The following MAST2 variants were observed in gnomAD, a reference collection of about 807,000 sequenced individuals.
MAST2 encodes microtubule-associated serine/threonine-protein kinase 2.
MAST2 carries 70 observed loss-of-function variants against 147.4 expected under a neutral mutation model. That is an observed-to-expected ratio of 0.47 (90% confidence interval 0.39 to 0.58). MAST2 has a LOEUF of 0.58. Among genes scored for constraint, MAST2 ranks in the 20% least tolerant of loss-of-function variants. The pLI, the probability that MAST2 is intolerant of heterozygous loss-of-function variation, is 0.00. For missense variants in MAST2, 2,080 were observed against 2,302.3 expected, an observed-to-expected ratio of 0.90 and a Z score of 1.98; for synonymous variants, 869 against 896.8, an observed-to-expected ratio of 0.97 and a Z score of 0.55.
intron 4 of MAST2, among the ~76,000 whole-genome samples, chr1:45,905,773 C>T (rs1453655018): frequency 7.8e-6 from 1 of 128,768 alleles, no homozygotes; most frequent in East Asian, 2.3e-4. Flanking sequence ...AAGACTCTGT[C>T]TCAAAAAAAA....
At chr1:45,968,518 C>T (rs1249044175) in intron 5 of MAST2, among the ~76,000 whole-genome samples, 13 of 149,236 alleles carry the variant, frequency 8.7e-5, no homozygotes, top group African/African-American at 3.2e-4. Context: ...TTTAATATTT[C>T]ACTCCACTAT....
At chr1:45,833,252 A>G (rs1376744139) in intron 3 of MAST2, among the ~76,000 whole-genome samples, 1 of 152,024 alleles carries the variant, frequency 6.6e-6, no homozygotes, top group African/African-American at 2.4e-5. Context: ...CTGAGGGCTT[A>G]TTTTTCCCAT....
intron 9 of MAST2, 127 bp from the exon 10 acceptor site, chr1:46,010,603 A>C: frequency 2.8e-6 from 2 of 718,722 alleles, no homozygotes; most frequent in Non-Finnish European, 4.6e-6. Flanking sequence ...CAGGTTTCCC[A>C]AATGGCAGTT....
intron 5 of MAST2, among the ~76,000 whole-genome samples, chr1:45,974,544 C>G (rs1644056275): frequency 1.3e-5 from 2 of 152,110 alleles, no homozygotes; most frequent in South Asian, 4.2e-4. Context: ...CTGCAGTGAG[C>G]TGTGATTGCA....
At chr1:45,916,616 G>A (rs1048977209) in intron 4 of MAST2, among the ~76,000 whole-genome samples, 1 of 151,986 alleles carries the variant, frequency 6.6e-6, no homozygotes, top group African/African-American at 2.4e-5. Context: ...TAAACAAATT[G>A]GTATTATTGT....
At position 45,964,695 on chromosome 1, in the gene MAST2, G is replaced by C. The variant is rs527829423; in HGVS notation, c.592+5218G>C. On this transcript the variant is annotated intron_variant, in intron 5 of 28. Transcript: ENST00000361297. ...CCTGGATTCACTGATTTTTTTGAAG[G>C]GTTTTTTTGTGTCTCTATCTCCTTC... Among the ~76,000 whole-genome samples the C allele has an allele frequency of 2.0e-4, 30 of 151,978 alleles. No individual in the cohort carries two copies. In the East Asian group the frequency reaches 4.8e-3, roughly 24 times the overall value.
At chr1:45,939,385 T>C (rs1277322874) in intron 4 of MAST2, among the ~76,000 whole-genome samples, 1 of 152,260 alleles carries the variant, frequency 6.6e-6, no homozygotes, top group South Asian at 2.1e-4. Flanking sequence ...ATCCTTGTGC[T>C]AATTCCACAC....
At chr1:45,908,279 T>A (rs1213133387) in intron 4 of MAST2, among the ~76,000 whole-genome samples, 1 of 152,196 alleles carries the variant, frequency 6.6e-6, no homozygotes, top group African/African-American at 2.4e-5. Flanking sequence ...ACACATGCCA[T>A]GGTGGTTTGC....
At chr1:45,886,683 A>G (rs1429170704) in intron 4 of MAST2, among the ~76,000 whole-genome samples, 1 of 152,198 alleles carries the variant, frequency 6.6e-6, no homozygotes, top group Non-Finnish European at 1.5e-5. Context: ...AGTTACTTGT[A>G]TCTGTTTACC....
intron 3 of MAST2, among the ~76,000 whole-genome samples, chr1:45,850,764 T>A (rs979940643): frequency 6.6e-6 from 1 of 151,848 alleles, no homozygotes; most frequent in Non-Finnish European, 1.5e-5. Context: ...AGATTGTAGG[T>A]GTGTGGCTTT....
rs1195273781 is a variant in MAST2, at chr1:45,821,369, C to A, written c.178-3064C>A. Reference sequence around the variant, plus strand: ...TCTCTTGCTGCTTTGAATATTATTTCTTTGCCATTGGCTTTGACAGTTTGG... The same window carrying A: ...TCTCTTGCTGCTTTGAATATTATTTATTTGCCATTGGCTTTGACAGTTTGG... On this transcript the variant is annotated intron_variant, in intron 1 of 28. Coordinates refer to ENST00000361297, the MANE Select transcript of MAST2 (RefSeq NM_015112.3). 2.6e-5 allele frequency among the ~76,000 whole-genome samples: 4 copies of A among 152,180 alleles called. No individual in the cohort carries two copies. In the East Asian group the frequency reaches 7.7e-4, roughly 29 times the overall value.
In MAST2 at chr1:46,023,309, G is replaced by A; in HGVS notation, c.1562G>A (p.Gly521Asp). 8 of 1,614,112 alleles carry A rather than the reference G, an allele frequency of 5.0e-6. No individual in the cohort carries two copies. The highest frequency in any genetic ancestry group is 6.8e-6 in the Non-Finnish European group (8 of 1,180,010). ...DFETIKLISN[G>D]AYGAVFLVRH... is the part of the protein sequence containing the mutation. Reference sequence around the variant, plus strand: ...GAGACCATTAAGCTCATCAGCAATGGCGCCTATGGGTAAAGGCAGGGGTCA... The same window carrying A: ...GAGACCATTAAGCTCATCAGCAATGACGCCTATGGGTAAAGGCAGGGGTCA... The change falls in exon 14 of 29, where the codon GGC (glycine) becomes GAC (aspartate). Residue 521 changes from glycine to aspartate, a missense_variant. Transcript: ENST00000361297. This position sits in a 1 kb window ranked among gnomAD's most constrained non-coding sequence, Gnocchi z 4.9.
intron 1 of MAST2, 131 bp from the exon 2 acceptor site, chr1:45,824,302 C>T (rs1644725846): frequency 1.9e-6 from 1 of 523,696 alleles, no homozygotes; most frequent in Admixed American, 3.9e-5. Flanking sequence ...CTGGTTTTAG[C>T]TATGGAGGGG....
At position 45,959,391 on chromosome 1, in the gene MAST2, G is replaced by A. The variant is rs959178314; in HGVS notation, c.506G>A (p.Arg169Gln). The A allele has an allele frequency of 3.7e-6, 6 of 1,613,244 alleles. No homozygotes were observed. The highest frequency in any genetic ancestry group is 2.2e-5 in the East Asian group (1 of 44,874). Residue 169 changes from arginine (R) to glutamine (Q), a missense_variant, in exon 5 of 29, where the codon CGG becomes CAG. Physicochemically the swap from Arg to Gln is conservative, Grantham distance 43. This residue lies in a region of MAST2 where 569 missense variants were observed against 642.5 expected (regional missense o/e 0.89). Transcript: ENST00000361297. ...LSLPRRGSFC[R>Q]TSNRKSLIVT... Reference sequence around the variant, plus strand: ...ATATTTTGTTTTCATTGCAGTTGTCGGACAAGTAACCGCAAGAGCTTGATT... The same window carrying A: ...ATATTTTGTTTTCATTGCAGTTGTCAGACAAGTAACCGCAAGAGCTTGATT...
intron 1 of MAST2, among the ~76,000 whole-genome samples, chr1:45,804,371 A>G (rs775570704): frequency 6.6e-6 from 1 of 152,100 alleles, no homozygotes; most frequent in Non-Finnish European, 1.5e-5. Flanking sequence ...TGCAACGAGT[A>G]GGCTTACTAA....
chr1:46,030,314 TG>T lies in MAST2; in HGVS notation c.2553+80del, dbSNP rs1474313905. On this transcript the variant is annotated intron_variant, in intron 21 of 28. Transcript: ENST00000361297. ...AAGAGGGCCTGTCAAAGGGCACACC[TG>T]GGGCAGGCTCAGGGAGTTGGGGTTG... 5 of 1,430,422 alleles carry T rather than the reference TG, an allele frequency of 3.5e-6. No homozygotes were observed. In the African/African-American group the frequency reaches 5.6e-5, roughly 16 times the overall value. The allele number at this position is 1,430,422 out of a possible 1,614,324, so 88.6% of individuals were successfully genotyped here.
At chr1:45,858,125 C>A (rs958384846) in intron 3 of MAST2, among the ~76,000 whole-genome samples, 9 of 152,042 alleles carry the variant, frequency 5.9e-5, no homozygotes, top group Admixed American at 5.9e-4. Flanking sequence ...TGGGTATATA[C>A]CCAGTAATGG....
At chr1:45,931,469 G>T (rs1655297906) in intron 4 of MAST2, among the ~76,000 whole-genome samples, 1 of 138,720 alleles carries the variant, frequency 7.2e-6, no homozygotes, top group South Asian at 2.4e-4. Context: ...GGGCTCAAGT[G>T]ATCTTCCCAC....
At chr1:45,833,783 T>C (rs766396067) in intron 3 of MAST2, among the ~76,000 whole-genome samples, 1 of 152,146 alleles carries the variant, frequency 6.6e-6, no homozygotes, top group Non-Finnish European at 1.5e-5. Flanking sequence ...GTTTCTTTTA[T>C]TGTAAGTTTG....
Sources: gnomAD v4.1 joint callset for allele counts (sites outside exome capture counted in the v4.1 genomes callset) on GRCh38, gnomAD v4.1.1 for gene constraint, gnomAD v4.1.1 regional missense constraint, Gnocchi (gnomAD v3.1) non-coding constraint, MANE v1.5 for transcripts, NCBI Gene and HGNC (gene_info 2026-07-23, HGNC 2026-07-21) for gene names.